The following ZSCAN5B variants were observed in gnomAD, a reference collection of about 807,000 sequenced individuals.
ZSCAN5B encodes zinc finger and SCAN domain containing 5B.
A neutral mutation model predicts 25.2 loss-of-function variants in ZSCAN5B; 26 were observed. The ratio of observed to expected loss-of-function variants is 1.03; its 90% CI spans 0.76 to 1.43. The LOEUF (loss-of-function observed/expected upper bound fraction) is 1.43, where lower values mean the gene tolerates loss of function less well. Among genes scored for constraint, ZSCAN5B ranks in the 40% most tolerant of loss-of-function variants. The pLI is 0.00. For missense variants in ZSCAN5B, 745 were observed against 622.1 expected, an observed-to-expected ratio of 1.20 and a Z score of -2.10; for synonymous variants, 244 against 240.9, an observed-to-expected ratio of 1.01 and a Z score of -0.12.
Position 56,194,533 on chromosome 19 carries a change from G to A in ZSCAN5B, c.-127-1354C>T, listed in dbSNP as rs962908474. 3.9e-5 allele frequency among the ~76,000 whole-genome samples: 6 copies of A among 152,118 alleles called. No homozygotes were observed. The South Asian group carries it at 6.2e-4, about 16-fold the overall frequency. On this transcript the variant is annotated intron_variant, in intron 1 of 4. Coordinates refer to ENST00000586855, the Ensembl canonical transcript of ZSCAN5B. ...CTGGTCTCAAACTCTGGGCTCAAGC[G>A]ATGCGCTTGCTTTGGCCTCCCAAAA...
At chr19:56,194,841 G>A (rs10403818) in intron 1 of ZSCAN5B, among the ~76,000 whole-genome samples, 4,907 of 152,170 alleles carry the variant, frequency 0.032, 254 homozygotes, top group African/African-American at 0.11. Flanking sequence ...TCCTGACCTC[G>A]GGTGACATGC....
Position 56,191,843 on chromosome 19 carries a change from C to T in ZSCAN5B, c.588+7G>A. The stretch of plus-strand genomic sequence containing the variant: ...TCTGCCCAGACACCAAGGCCTCACA[C>T]ACTCACCTGCCTCCTGGACAGTGCA... On this transcript the variant is annotated splice_region_variant and intron_variant, in intron 3 of 4. Transcript: ENST00000586855. The T allele has an allele frequency of 6.2e-6, 10 of 1,613,414 alleles. No homozygotes were observed. The highest frequency in any genetic ancestry group is 8.5e-6 in the Non-Finnish European group (10 of 1,179,490).
chr19:56,195,611 C>T (rs185227034), intron 1 of ZSCAN5B, among the ~76,000 whole-genome samples: 190 of 151,996 alleles, frequency 1.3e-3, no homozygotes, highest in African/African-American at 4.3e-3. Flanking sequence ...CTGCATGAGC[C>T]GGCAATCCCG....
At chr19:56,190,956 T>A in exon 4 of ZSCAN5B, 1 of 1,614,002 alleles carries the variant, frequency 6.2e-7, no homozygotes. Flanking sequence ...ACCTGTTACG[T>A]CAATACTCTT....
exon 5 of ZSCAN5B, chr19:56,190,053 G>A: frequency 1.2e-6 from 2 of 1,613,936 alleles, no homozygotes; most frequent in East Asian, 2.2e-5. Flanking sequence ...GGACTCGTGG[G>A]CGAACCGCTT....
In ZSCAN5B at chr19:56,192,924, C is replaced by A. The variant is rs372771759; in HGVS notation, c.129G>T (p.Trp43Cys). Reference sequence around the variant, plus strand: ...AGCTGAACATCCTGAAATTCATGTGCCAAGTCTCAGGGTTCCTGTCGTGAT... The same window carrying A: ...AGCTGAACATCCTGAAATTCATGTGACAAGTCTCAGGGTTCCTGTCGTGAT... Residue 43 changes from tryptophan (W) to cysteine (C), a missense_variant, in exon 2 of 5, where the codon TGG becomes TGT. Physicochemically the swap from Trp to Cys is radical, Grantham distance 215. Transcript: ENST00000586855. 18 of 1,613,662 alleles carry A rather than the reference C, an allele frequency of 1.1e-5. No homozygotes were observed. Among genetic ancestry groups the A allele is most frequent in the African/African-American group, 2.7e-5 (2 of 74,886 alleles).
At chr19:56,190,354 T>C (rs2032712717) in exon 5 of ZSCAN5B, 2 of 1,614,054 alleles carry the variant, frequency 1.2e-6, no homozygotes, top group Non-Finnish European at 1.7e-6. Context: ...GGGGATTCTC[T>C]GTTGCCCACA....
exon 2 of ZSCAN5B, chr19:56,192,915 A>G (rs750692923): frequency 8.9e-5 from 144 of 1,613,728 alleles, no homozygotes; most frequent in Non-Finnish European, 1.1e-4. Context: ...ACATCCTGAA[A>G]TTCATGTGCC....
intron 2 of ZSCAN5B, 64 bp downstream of exon 2, chr19:56,192,603 CTG>C (rs2032751796): frequency 6.5e-7 from 1 of 1,538,666 alleles, no homozygotes; most frequent in Non-Finnish European, 8.7e-7. Context: ...ATATTTGAGA[CTG>C]GAGAATTCTT....
At chr19:56,195,660 TG>T (rs1289410230) in intron 1 of ZSCAN5B, among the ~76,000 whole-genome samples, 2 of 152,022 alleles carry the variant, frequency 1.3e-5, no homozygotes, top group African/African-American at 4.8e-5. Flanking sequence ...AATCAGGACG[TG>T]GACTCCAAAA....
Position 56,191,208 on chromosome 19 carries a change from A to C in ZSCAN5B, c.589-221T>G, listed in dbSNP as rs533405892. 2.6e-5 allele frequency among the ~76,000 whole-genome samples: 4 copies of C among 152,102 alleles called. No individual in the cohort carries two copies. The South Asian group carries it at 6.2e-4, about 24-fold the overall frequency. ...GGTTTTCACTGTTTGGTTCTCTGAG[A>C]ATATTTCTCCCCGCCGTGCCAATGT... On this transcript the variant is annotated intron_variant, in intron 3 of 4. Transcript: ENST00000586855.
At chr19:56,191,027 T>C (rs778435895) in intron 3 of ZSCAN5B, 40 bp from the exon 4 acceptor site, 1 of 1,613,258 alleles carries the variant, frequency 6.2e-7, no homozygotes, top group African/African-American at 1.3e-5. Context: ...GCCGTGTCTA[T>C]ACTGGTGGAA....
chr19:56,189,714 A>C, exon 5 of ZSCAN5B: 1 of 1,284,220 alleles, frequency 7.8e-7, no homozygotes, highest in Non-Finnish European at 1.1e-6. Flanking sequence ...ATTTATTCAA[A>C]CATCCGGGCA....
chr19:56,195,029 C>T (rs752113324), intron 1 of ZSCAN5B, among the ~76,000 whole-genome samples: 9 of 152,168 alleles, frequency 5.9e-5, no homozygotes, highest in Non-Finnish European at 1.2e-4. Flanking sequence ...CCCTGCTTTC[C>T]TAGACACAGG....
At chr19:56,195,709 A>C (rs1208227845) in intron 1 of ZSCAN5B, among the ~76,000 whole-genome samples, 2 of 152,174 alleles carry the variant, frequency 1.3e-5, no homozygotes, top group Non-Finnish European at 2.9e-5. Context: ...GGGAAGGTGG[A>C]AAAACTACCT....
At chr19:56,197,690 A>G in intron 1 of ZSCAN5B, 44 bp downstream of exon 1, 1 of 970,188 alleles carries the variant, frequency 1.0e-6, no homozygotes, top group Non-Finnish European at 1.2e-6. Context: ...AACCCCCCGC[A>G]TGCCAGCTCC....
rs1238142884 is a variant in ZSCAN5B, at chr19:56,193,016, C to T, written c.37G>A (p.Gly13Arg). Residue 13 changes from glycine (G) to arginine (R), a missense_variant, in exon 2 of 5, where the codon GGA (glycine) becomes AGA (arginine). Transcript: ENST00000586855. ...TCTGACCCAGGGCTGTTGCAGGGTC[C>T]TCCCTGACCCCATGAGAGTGTCCAA... is the stretch of plus-strand genomic sequence containing the variant. 3 of 1,593,136 alleles carry T rather than the reference C, an allele frequency of 1.9e-6. No individual in the cohort carries two copies. The African/African-American group carries it at 4.0e-5, about 21-fold the overall frequency.
At chr19:56,189,730 T>A (rs1409971132) in exon 5 of ZSCAN5B, 19 of 1,425,178 alleles carry the variant, frequency 1.3e-5, no homozygotes, top group Non-Finnish European at 1.8e-5. Context: ...GGGCAATTCC[T>A]ACCAAGTGCT....
chr19:56,193,126 A>G, exon 2 of ZSCAN5B: 1 of 1,433,190 alleles, frequency 7.0e-7, no homozygotes, highest in Non-Finnish European at 9.2e-7. Context: ...AGACCTATTT[A>G]CACAGGCTGC....
Sources: gnomAD v4.1 joint callset for allele counts (sites outside exome capture counted in the v4.1 genomes callset) on GRCh38, gnomAD v4.1.1 for gene constraint, MANE v1.5 for transcripts, NCBI Gene and HGNC (gene_info 2026-07-23, HGNC 2026-07-21) for gene names.